GNAQ: variants seen among roughly 807,000 people sequenced by gnomAD.
GNAQ encodes guanine nucleotide-binding protein G(q) subunit alpha.
GNAQ carries 8 observed loss-of-function variants against 43.9 expected under a neutral mutation model. The observed-to-expected ratio is 0.18, with a 90% CI of 0.11 to 0.33. The LOEUF (loss-of-function observed/expected upper bound fraction) is 0.33. GNAQ is among the 10% of genes least tolerant of loss of function. The probability of loss-of-function intolerance (pLI) is 1.00; values close to 1 mark genes in which losing one functional copy is unlikely to be tolerated. For synonymous variants in GNAQ, 155 were observed against 170.7 expected, an observed-to-expected ratio of 0.91 and a Z score of 0.71; for missense variants, 158 against 450.8, an observed-to-expected ratio of 0.35 and a Z score of 5.88.
intron 5 of GNAQ, among the ~76,000 whole-genome samples, chr9:77,770,409 T>G (rs1826205495): frequency 1.3e-5 from 2 of 152,156 alleles, no homozygotes. Flanking sequence ...AAACACAATC[T>G]TAGCTGAAAC....
intron 2 of GNAQ, among the ~76,000 whole-genome samples, chr9:77,834,860 A>T (rs1478225717): frequency 2.6e-5 from 4 of 152,220 alleles, no homozygotes; most frequent in African/African-American, 7.2e-5. Flanking sequence ...AATAGTGAAG[A>T]TCTACTTTCA....
chr9:78,013,692 C>T (rs888656482), intron 1 of GNAQ, among the ~76,000 whole-genome samples: 1 of 151,980 alleles, frequency 6.6e-6, no homozygotes, highest in African/African-American at 2.4e-5. Flanking sequence ...CAGACAGGAA[C>T]AAAAAAGTTA....
intron 5 of GNAQ, among the ~76,000 whole-genome samples, chr9:77,757,759 A>G (rs1825928117): frequency 6.6e-6 from 1 of 152,140 alleles, no homozygotes; most frequent in Non-Finnish European, 1.5e-5. Flanking sequence ...ATGTTCTTCA[A>G]TTTCACTGAC....
chr9:77,866,667 A>G (rs1471821627), intron 2 of GNAQ, among the ~76,000 whole-genome samples: 2 of 152,206 alleles, frequency 1.3e-5, no homozygotes, highest in Non-Finnish European at 1.5e-5. Flanking sequence ...AATGAGTTAT[A>G]AAAAGAATAT....
intron 2 of GNAQ, among the ~76,000 whole-genome samples, chr9:77,870,993 T>C (rs552483320): frequency 6.6e-6 from 1 of 152,308 alleles, no homozygotes; most frequent in Non-Finnish European, 1.5e-5. Context: ...GTGAACTTTT[T>C]AGGGTTATAG....
chr9:78,023,381 G>A (rs1407855259), intron 1 of GNAQ, among the ~76,000 whole-genome samples: 1 of 152,140 alleles, frequency 6.6e-6, no homozygotes, highest in Non-Finnish European at 1.5e-5. Flanking sequence ...GTATGCAAAT[G>A]TGCAAGTCAG....
chr9:78,011,938 A>G (rs1002365318), intron 1 of GNAQ, among the ~76,000 whole-genome samples: 1 of 152,244 alleles, frequency 6.6e-6, no homozygotes, highest in African/African-American at 2.4e-5. Context: ...AGAATATTAT[A>G]GAGATGGAGT....
chr9:77,756,749 G>GCAAA (rs1425538956), intron 5 of GNAQ, among the ~76,000 whole-genome samples: 1 of 152,196 alleles, frequency 6.6e-6, no homozygotes, highest in Non-Finnish European at 1.5e-5. Flanking sequence ...CACTCTTTAA[G>GCAAA]CAAACATTTT....
At chr9:77,810,207 CATCTATCTATCTATCTATCTATCT>C (rs10578686) in intron 3 of GNAQ, among the ~76,000 whole-genome samples, 127 of 144,970 alleles carry the variant, frequency 8.8e-4, no homozygotes, top group African/African-American at 2.6e-3. Context: ...AACTGTCAAT[CATCTATCTATCTATCTATCTATCT>C]ATCTATCTAT....
intron 2 of GNAQ, among the ~76,000 whole-genome samples, chr9:77,864,460 A>C (rs1827916075): frequency 6.6e-6 from 1 of 152,192 alleles, no homozygotes; most frequent in Admixed American, 6.5e-5. Flanking sequence ...ATTAGCCTGG[A>C]TTATCCAAGT....
intron 1 of GNAQ, among the ~76,000 whole-genome samples, chr9:78,001,186 T>A (rs1823639423): frequency 6.6e-6 from 1 of 151,944 alleles, no homozygotes; most frequent in African/African-American, 2.4e-5. Context: ...TCACTTGAGG[T>A]CAGGAGTTAG....
chr9:77,942,523 C>A (rs1408293377), intron 1 of GNAQ, among the ~76,000 whole-genome samples: 1 of 152,106 alleles, frequency 6.6e-6, no homozygotes, highest in Non-Finnish European at 1.5e-5. Flanking sequence ...TGGATGAAAA[C>A]CACAGCCTTT....
chr9:77,889,369 C>G (rs896606808), intron 2 of GNAQ, among the ~76,000 whole-genome samples: 1 of 129,668 alleles, frequency 7.7e-6, no homozygotes, highest in Non-Finnish European at 1.5e-5. Context: ...CAAGATCCTG[C>G]CACTGCATTC....
intron 1 of GNAQ, among the ~76,000 whole-genome samples, chr9:77,989,643 G>C (rs1340034444): frequency 6.6e-6 from 1 of 152,206 alleles, no homozygotes; most frequent in African/African-American, 2.4e-5. Flanking sequence ...AAGGCAACAG[G>C]ATCCCAAAGA....
chr9:77,723,589 A>G (rs1332071781), intron 6 of GNAQ, among the ~76,000 whole-genome samples: 1 of 152,256 alleles, frequency 6.6e-6, no homozygotes, highest in African/African-American at 2.4e-5. Flanking sequence ...TCAGAAACAA[A>G]AAGAATATTA....
chr9:77,777,577 C>A (rs1587912019), intron 5 of GNAQ, among the ~76,000 whole-genome samples: 1 of 152,064 alleles, frequency 6.6e-6, no homozygotes, highest in Non-Finnish European at 1.5e-5. Context: ...AATGTATTTG[C>A]AAATCATATT....
chr9:77,822,854 TG>T (rs1469120915), intron 2 of GNAQ, among the ~76,000 whole-genome samples: 2 of 152,124 alleles, frequency 1.3e-5, no homozygotes, highest in African/African-American at 4.8e-5. Context: ...AGCCAGAAAC[TG>T]TTCCATTAAT....
At chr9:77,840,776 T>C (rs1827477449) in intron 2 of GNAQ, among the ~76,000 whole-genome samples, 1 of 152,184 alleles carries the variant, frequency 6.6e-6, no homozygotes, top group South Asian at 2.1e-4. Flanking sequence ...TGACAATGTG[T>C]TTGTCTCTAG....
rs538750618 is a variant in GNAQ at position 77,893,417 on chromosome 9, G to A, written c.321+28744C>T. On this transcript the variant is annotated intron_variant, in intron 2 of 6. Transcript: ENST00000286548. ...AAGTTAACTTATATGGTCTGAAAAGGGGAGGACCCCTCAGTTCTGGGAATT... is the reference window on the plus strand; with the variant it reads ...AAGTTAACTTATATGGTCTGAAAAGAGGAGGACCCCTCAGTTCTGGGAATT... Among the ~76,000 whole-genome samples, 72 of 152,280 alleles carry A rather than the reference G, an allele frequency of 4.7e-4. No homozygotes were observed. The South Asian group carries it at 0.013, about 28-fold the overall frequency.
Sources: allele counts gnomAD v4.1 joint callset (sites outside exome capture counted in the v4.1 genomes callset), GRCh38; gene constraint gnomAD v4.1.1; transcripts MANE v1.5; gene names NCBI Gene and HGNC (gene_info 2026-07-23, HGNC 2026-07-21).